Variants in XYLT1 observed in about 807,000 individuals in gnomAD.
XYLT1 encodes beta-D-xylosyltransferase 1.
XYLT1 carries 36 observed loss-of-function variants against 91.3 expected under a neutral mutation model. That is an observed-to-expected ratio of 0.39 (90% CI 0.30 to 0.52). The LOEUF (loss-of-function observed/expected upper bound fraction) is 0.52, where lower values mean the gene tolerates loss of function less well. XYLT1 is among the 20% of genes least tolerant of loss of function. The probability of loss-of-function intolerance (pLI) is 0.68; values close to 1 mark genes in which losing one functional copy is unlikely to be tolerated. For missense variants in XYLT1, 1,242 were observed against 1,284.5 expected (o/e 0.97, Z 0.51); for synonymous variants, 588 against 532.0 (o/e 1.11, Z -1.45).
At chr16:17,209,911 C>T (rs1268688084) in intron 3 of XYLT1, among the ~76,000 whole-genome samples, 3 of 152,064 alleles carry the variant, frequency 2.0e-5, no homozygotes, top group African/African-American at 7.2e-5. Context: ...TTTTTAAATT[C>T]GTAAGACGGG....
intron 1 of XYLT1, among the ~76,000 whole-genome samples, chr16:17,462,040 C>G (rs1289862328): frequency 6.6e-6 from 1 of 152,150 alleles, no homozygotes; most frequent in African/African-American, 2.4e-5. Context: ...TTGCATCAAC[C>G]TCTCTGCCCC....
intron 5 of XYLT1, among the ~76,000 whole-genome samples, chr16:17,186,632 CT>C (rs2032189584): frequency 6.6e-6 from 1 of 152,082 alleles, no homozygotes; most frequent in Non-Finnish European, 1.5e-5. Flanking sequence ...CACATAGAAC[CT>C]TGATTTGACC....
rs939826474 is a variant in XYLT1 at position 17,321,928 on chromosome 16, C to T, written c.402+36084G>A. Among the ~76,000 whole-genome samples the T allele has an allele frequency of 4.6e-5, 7 of 152,276 alleles. 1 individual carries two copies. Among genetic ancestry groups the T allele is most frequent in the South Asian group, 4.1e-4 (2 of 4,820 alleles). On this transcript the variant is annotated intron_variant, in intron 2 of 11. Coordinates refer to ENST00000261381, the MANE Select transcript of XYLT1 (RefSeq NM_022166.4). ...TTTTCTGTGAACTTGGGGAGGACAG[C>T]GCAGCCTTGCTAACAATGGGAAGGA...
At chr16:17,256,619 C>T (rs1189578472) in intron 3 of XYLT1, among the ~76,000 whole-genome samples, 1 of 145,688 alleles carries the variant, frequency 6.9e-6, no homozygotes, top group Non-Finnish European at 1.5e-5. Flanking sequence ...CACTGCACTC[C>T]AGCATGATGA....
intron 2 of XYLT1, among the ~76,000 whole-genome samples, chr16:17,263,127 G>A (rs2033747945): frequency 6.6e-6 from 1 of 152,040 alleles, no homozygotes; most frequent in African/African-American, 2.4e-5. Context: ...GTCATTCTGG[G>A]GCCCTTCTCT....
chr16:17,311,783 G>A lies in XYLT1; in HGVS notation c.402+46229C>T, dbSNP rs560097803. 2.9e-4 allele frequency among the ~76,000 whole-genome samples: 41 copies of A among 141,200 alleles called. No homozygotes were observed. The South Asian group carries it at 9.0e-3, about 31-fold the overall frequency. 92.6% of individuals were successfully genotyped at this position (141,200 alleles called of 152,430 possible). The stretch of plus-strand genomic sequence containing the variant: ...ATGAACTCACAGTTCCAAGTGGCTG[G>A]GGAGGCCGCACAATCATGGTGGAAG... On this transcript the variant is annotated intron_variant, in intron 2 of 11. Transcript: ENST00000261381.
intron 2 of XYLT1, among the ~76,000 whole-genome samples, chr16:17,313,243 G>C (rs921172497): frequency 1.3e-5 from 2 of 152,232 alleles, no homozygotes; most frequent in African/African-American, 4.8e-5. Context: ...ACAGAGGCCT[G>C]CTTGTGAGGC....
intron 5 of XYLT1, among the ~76,000 whole-genome samples, chr16:17,197,291 G>GT (rs1464974457): frequency 6.6e-6 from 1 of 151,984 alleles, no homozygotes; most frequent in Non-Finnish European, 1.5e-5. Flanking sequence ...CTCTGTAGGC[G>GT]TGACTCTCTT....
chr16:17,248,845 T>C (rs750885546), intron 3 of XYLT1, among the ~76,000 whole-genome samples: 10 of 150,650 alleles, frequency 6.6e-5, no homozygotes, highest in Non-Finnish European at 1.0e-4. Flanking sequence ...CCTCCCGGGC[T>C]AAAGCAATTC....
intron 3 of XYLT1, among the ~76,000 whole-genome samples, chr16:17,248,745 ATTTTTTTT>A (rs1045404682): frequency 7.9e-6 from 1 of 127,030 alleles, no homozygotes; most frequent in African/African-American, 3.0e-5. Context: ...TTACATGTGA[ATTTTTTTT>A]TTTTTTTTTT....
At chr16:17,174,211 T>C (rs1025963276) in intron 5 of XYLT1, among the ~76,000 whole-genome samples, 1 of 152,236 alleles carries the variant, frequency 6.6e-6, no homozygotes, top group South Asian at 2.1e-4. Flanking sequence ...TTCTACTTTA[T>C]CTTATTACTT....
rs181438118 is a variant in XYLT1, at chr16:17,180,100, C to A, written c.1289+18112G>T. ...AGATTAAAGGAGAACATAGAAGAAG[C>A]ACTTAGCACCTGCAGAAACTCAGTG... On this transcript the variant is annotated intron_variant, in intron 5 of 11. Coordinates refer to ENST00000261381, the MANE Select transcript of XYLT1 (RefSeq NM_022166.4). Among the ~76,000 whole-genome samples the A allele has an allele frequency of 6.2e-3, 952 of 152,324 alleles. 6 individuals carry two copies. Among genetic ancestry groups the A allele is most frequent in the African/African-American group, 0.022 (909 of 41,568 alleles).
intron 2 of XYLT1, among the ~76,000 whole-genome samples, chr16:17,290,814 G>T (rs1397421579): frequency 6.6e-6 from 1 of 152,238 alleles, no homozygotes; most frequent in Non-Finnish European, 1.5e-5. Context: ...AACTGACTTG[G>T]TAAATGATCC....
chr16:17,232,239 TGTA>T (rs2033170055), intron 3 of XYLT1, among the ~76,000 whole-genome samples: 2 of 39,010 alleles, frequency 5.1e-5, no homozygotes, highest in South Asian at 1.6e-3. Context: ...TTTGATTATA[TGTA>T]ATATATTATA....
intron 3 of XYLT1, among the ~76,000 whole-genome samples, chr16:17,225,733 C>A (rs1021809534): frequency 5.9e-5 from 9 of 152,074 alleles, no homozygotes; most frequent in African/African-American, 2.2e-4. Flanking sequence ...GTTCTTTTGG[C>A]AGGCTTAAAA....
At chr16:17,251,224 T>C (rs572741125) in intron 3 of XYLT1, 1 of 152,382 alleles carries the variant, frequency 6.6e-6, no homozygotes, top group South Asian at 2.1e-4. Flanking sequence ...CAAAGGCTGA[T>C]GGGTAAAGAC....
Position 17,148,510 on chromosome 16 carries a change from T to G in XYLT1, c.1371-7141A>C, listed in dbSNP as rs111293001. Among the ~76,000 whole-genome samples the G allele has an allele frequency of 5.3e-3, 809 of 152,300 alleles. 8 individuals are homozygous for G. Among genetic ancestry groups the G allele is most frequent in the African/African-American group, 0.018 (753 of 41,560 alleles). ...CCATACAACTGGTGCTTAATAAATA[T>G]TTACTGAAAAAATGAATAAAAAGAA... On this transcript the variant is annotated intron_variant, in intron 6 of 11. Transcript: ENST00000261381.
intron 3 of XYLT1, among the ~76,000 whole-genome samples, chr16:17,213,016 GA>G (rs2032790328): frequency 6.6e-6 from 1 of 152,212 alleles, no homozygotes; most frequent in African/African-American, 2.4e-5. Context: ...TAACAGACTT[GA>G]TATGGTTTGG....
chr16:17,131,399 A>G (rs1259693503), intron 9 of XYLT1, among the ~76,000 whole-genome samples: 2 of 152,246 alleles, frequency 1.3e-5, no homozygotes, highest in Non-Finnish European at 2.9e-5. Context: ...TTTCTTATTT[A>G]AATACGATGA....
Sources: allele counts gnomAD v4.1 joint callset (sites outside exome capture counted in the v4.1 genomes callset), GRCh38; gene constraint gnomAD v4.1.1; transcripts MANE v1.5; gene names NCBI Gene and HGNC (gene_info 2026-07-23, HGNC 2026-07-21).